The following GALNT13 variants were observed in gnomAD, a reference collection of about 807,000 sequenced individuals.
GALNT13 encodes UDP-GalNAc:polypeptide N-acetylgalactosaminyltransferase 13.
Under a neutral mutation model 64.2 loss-of-function variants are expected in GALNT13, and 28 were observed. The ratio of observed to expected loss-of-function variants is 0.44; its 90% CI spans 0.32 to 0.60. The LOEUF is 0.60. Among genes scored for constraint, GALNT13 ranks in the 20% least tolerant of loss-of-function variants. The pLI, the probability that GALNT13 is intolerant of heterozygous loss-of-function variation, is 0.05. For missense variants in GALNT13, 577 were observed against 669.8 expected (o/e 0.86, Z 1.53); for synonymous variants, 214 against 224.6 (o/e 0.95, Z 0.42).
the GALNT13 span, among the ~76,000 whole-genome samples, chr2:153,181,262 A>C: frequency 6.6e-6 from 1 of 150,800 alleles, no homozygotes; most frequent in African/African-American, 2.4e-5. Flanking sequence ...TCATTGACGC[A>C]TGGGTGTTCA....
chr2:154,397,824 T>G (rs1374063382), intron 10 of GALNT13, among the ~76,000 whole-genome samples: 2 of 152,170 alleles, frequency 1.3e-5, no homozygotes, highest in African/African-American at 2.4e-5. Flanking sequence ...AGTGAAAAAT[T>G]TCATGTGTAA....
At chr2:153,901,697 G>C (rs1300618948) in intron 2 of GALNT13, among the ~76,000 whole-genome samples, 2 of 152,046 alleles carry the variant, frequency 1.3e-5, no homozygotes, top group African/African-American at 4.8e-5. Context: ...TTTTGTGACT[G>C]AATTTCAAAT....
At chr2:153,320,169 G>C in the GALNT13 span, among the ~76,000 whole-genome samples, 1 of 152,244 alleles carries the variant, frequency 6.6e-6, no homozygotes, top group Non-Finnish European at 1.5e-5. Flanking sequence ...TGGCCCCTAG[G>C]ATAAAGCAGG....
At chr2:153,768,891 T>C in the GALNT13 span, among the ~76,000 whole-genome samples, 1 of 152,128 alleles carries the variant, frequency 6.6e-6, no homozygotes, top group Admixed American at 6.6e-5. Context: ...AAATAAAATC[T>C]GTTTTATCTA....
At chr2:154,009,736 C>T (rs575728196) in intron 3 of GALNT13, among the ~76,000 whole-genome samples, 35 of 152,086 alleles carry the variant, frequency 2.3e-4, no homozygotes, top group African/African-American at 4.1e-4. Context: ...GTGATCCACC[C>T]GCCTCGGCCT....
intron 3 of GALNT13, among the ~76,000 whole-genome samples, chr2:154,063,325 CT>C (rs750276312): frequency 9.9e-5 from 15 of 152,148 alleles, no homozygotes; most frequent in Admixed American, 2.6e-4. Context: ...TGCAGTTTGT[CT>C]TTTAGGGACT....
At chr2:153,429,232 C>T in the GALNT13 span, among the ~76,000 whole-genome samples, 1 of 152,098 alleles carries the variant, frequency 6.6e-6, no homozygotes, top group Admixed American at 6.6e-5. Context: ...AAGACTCAGT[C>T]AAAATATTTG....
the GALNT13 span, among the ~76,000 whole-genome samples, chr2:153,608,709 T>C: frequency 1.4e-5 from 2 of 147,690 alleles, no homozygotes; most frequent in East Asian, 1.9e-4. Context: ...TATTCATATA[T>C]AAATATGTAA....
chr2:153,959,334 C>T (rs1692784918), intron 3 of GALNT13, among the ~76,000 whole-genome samples: 1 of 152,186 alleles, frequency 6.6e-6, no homozygotes, highest in African/African-American at 2.4e-5. Flanking sequence ...AACAGTGTGA[C>T]TCTGGCATCC....
chr2:154,310,609 C>G (rs953929469), intron 9 of GALNT13, among the ~76,000 whole-genome samples: 13 of 152,010 alleles, frequency 8.6e-5, no homozygotes, highest in Non-Finnish European at 4.4e-5. Context: ...TATTGATAAG[C>G]AGTTAGGTAG....
intron 3 of GALNT13, among the ~76,000 whole-genome samples, chr2:154,020,068 A>G (rs574169324): frequency 6.6e-6 from 1 of 152,300 alleles, no homozygotes; most frequent in South Asian, 2.1e-4. Context: ...TCCATGGTAT[A>G]TATGTGCCAC....
chr2:153,147,999 A>G, the GALNT13 span, among the ~76,000 whole-genome samples: 222 of 151,984 alleles, frequency 1.5e-3, 1 homozygote, highest in African/African-American at 5.2e-3. Context: ...GAGTAAACGT[A>G]TAAGAACTAC....
At chr2:154,389,872 T>G (rs976251971) in intron 9 of GALNT13, among the ~76,000 whole-genome samples, 6 of 151,974 alleles carry the variant, frequency 3.9e-5, no homozygotes, top group African/African-American at 1.4e-4. Flanking sequence ...GAGGAGCTGG[T>G]CAACAGGAAG....
intron 3 of GALNT13, among the ~76,000 whole-genome samples, chr2:154,033,523 CAA>C (rs1399428179): frequency 6.6e-6 from 1 of 151,668 alleles, no homozygotes; most frequent in African/African-American, 2.4e-5. Flanking sequence ...GGTACTTCAC[CAA>C]AAAAAGACAT....
chr2:153,147,066 T>C, the GALNT13 span, among the ~76,000 whole-genome samples: 3 of 151,868 alleles, frequency 2.0e-5, no homozygotes, highest in African/African-American at 7.2e-5. Context: ...GTATCTCATT[T>C]TATAGGTGAG....
At chr2:154,301,169 A>T (rs564737029) in intron 8 of GALNT13, among the ~76,000 whole-genome samples, 1 of 152,324 alleles carries the variant, frequency 6.6e-6, no homozygotes, top group East Asian at 1.9e-4. Flanking sequence ...AGGTATTCTA[A>T]TAAAGAGACA....
intron 11 of GALNT13, among the ~76,000 whole-genome samples, chr2:154,434,024 G>A (rs1432833932): frequency 6.6e-6 from 1 of 152,192 alleles, no homozygotes; most frequent in Non-Finnish European, 1.5e-5. Flanking sequence ...TGCAAACAGA[G>A]AAGGAAGACC....
the GALNT13 span, among the ~76,000 whole-genome samples, chr2:153,232,041 G>A: frequency 6.6e-6 from 1 of 152,186 alleles, no homozygotes; most frequent in Non-Finnish European, 1.5e-5. Flanking sequence ...CCTTGTCAAT[G>A]CTCAGGAAGG....
the GALNT13 span, among the ~76,000 whole-genome samples, chr2:153,245,983 A>T: frequency 6.6e-6 from 1 of 152,058 alleles, no homozygotes; most frequent in East Asian, 1.9e-4. Flanking sequence ...AAAACACAGA[A>T]TAAGAACTTC....
Sources: gnomAD v4.1 joint callset for allele counts (sites outside exome capture counted in the v4.1 genomes callset) on GRCh38, gnomAD v4.1.1 for gene constraint, MANE v1.5 for transcripts, NCBI Gene and HGNC (gene_info 2026-07-23, HGNC 2026-07-21) for gene names.